The following CASP10 variants were observed in gnomAD, a reference collection of about 807,000 sequenced individuals.
CASP10 encodes the protein caspase-10.
A neutral mutation model predicts 48.5 loss-of-function variants in CASP10; 41 were observed. The ratio of observed to expected loss-of-function variants is 0.85; its 90% CI spans 0.66 to 1.10. The LOEUF (loss-of-function observed/expected upper bound fraction) is 1.10, where lower values mean the gene tolerates loss of function less well. Among genes scored for constraint, CASP10 ranks in the 50% least tolerant of loss-of-function variants. The pLI is 0.00. For synonymous variants in CASP10, 232 were observed against 238.4 expected, an observed-to-expected ratio of 0.97 and a Z score of 0.25; for missense variants, 614 against 614.5, an observed-to-expected ratio of 1.00 and a Z score of 0.01.
intron 7 of CASP10, 114 bp from the exon 8 acceptor site, chr2:201,207,961 A>C: frequency 1.3e-6 from 1 of 754,832 alleles, no homozygotes; most frequent in Admixed American, 2.0e-5. Flanking sequence ...AACAACTGGC[A>C]TGGGGAGATA....
At chr2:201,211,949 T>G (rs1036690266) in intron 9 of CASP10, among the ~76,000 whole-genome samples, 2 of 152,098 alleles carry the variant, frequency 1.3e-5, no homozygotes, top group African/African-American at 4.8e-5. Flanking sequence ...GTGGGTTTTT[T>G]ATTTTTATTT....
intron 5 of CASP10, among the ~76,000 whole-genome samples, chr2:201,200,013 G>T (rs41352644): frequency 0.033 from 5,042 of 152,086 alleles, 137 homozygotes; most frequent in Non-Finnish European, 0.054. Flanking sequence ...GGTACATGTG[G>T]TATTTCCTCA....
At chr2:201,216,914 G>T (rs1945588594) in intron 9 of CASP10, among the ~76,000 whole-genome samples, 1 of 152,162 alleles carries the variant, frequency 6.6e-6, no homozygotes, top group Admixed American at 6.5e-5. Context: ...TGCAAGCCCA[G>T]GCTCAAATGC....
intron 5 of CASP10, among the ~76,000 whole-genome samples, chr2:201,196,383 A>T (rs1334961617): frequency 1.3e-5 from 2 of 152,150 alleles, no homozygotes; most frequent in African/African-American, 4.8e-5. Flanking sequence ...TGAAATTCTT[A>T]ATGTATTGAA....
At chr2:201,195,244 A>G (rs1944750498) in intron 4 of CASP10, among the ~76,000 whole-genome samples, 1 of 151,978 alleles carries the variant, frequency 6.6e-6, no homozygotes. Context: ...GATGCCCGCC[A>G]CCATGCCCAG....
Position 201,187,753 on chromosome 2 carries a change from AG to A in CASP10, c.397del (p.Asp133ThrfsTer2). On this transcript the variant is annotated frameshift_variant, in exon 3 of 10. Transcript: ENST00000286186. LOFTEE classifies it high-confidence loss of function. ...LSEGIDSENL[K>X]DMIFLLKDSL... Reference sequence around the variant, plus strand: ...GAAGGCATTGACTCAGAGAACTTAAAGGACATGATCTTCCTTCTGAAAGACT... The same window carrying A: ...GAAGGCATTGACTCAGAGAACTTAAAGACATGATCTTCCTTCTGAAAGACT... 6 of 1,614,162 alleles carry A rather than the reference AG, an allele frequency of 3.7e-6. No homozygotes were observed. The highest frequency in any genetic ancestry group is 5.1e-6 in the Non-Finnish European group (6 of 1,180,000).
At chr2:201,184,886 C>G (rs1311008702) in intron 1 of CASP10, among the ~76,000 whole-genome samples, 2 of 152,214 alleles carry the variant, frequency 1.3e-5, no homozygotes, top group East Asian at 3.9e-4. Flanking sequence ...AGAATGGCTA[C>G]TCCATAGACA....
At chr2:201,193,466 TC>T in intron 4 of CASP10, 1 of 322,322 alleles carries the variant, frequency 3.1e-6, no homozygotes, top group African/African-American at 2.2e-5. Flanking sequence ...CCTCGGCCTT[TC>T]AAAATGCTGG....
chr2:201,220,749 A>G lies in CASP10; in HGVS notation c.*3008A>G, dbSNP rs1945701883. On this transcript the variant is annotated 3_prime_UTR_variant, in exon 10 of 10. Transcript: ENST00000286186. ...TTTCTTTAATTCTTACACATGTGTCAGGATGATCTCCCAAAACCGTGTTCA... is the reference window on the plus strand; with the variant it reads ...TTTCTTTAATTCTTACACATGTGTCGGGATGATCTCCCAAAACCGTGTTCA... 1.0e-6 allele frequency: 1 copy of G among 985,284 alleles called. No individual in the cohort carries two copies. 61.0% of individuals were successfully genotyped at this position (985,284 alleles called of 1,614,324 possible).
At chr2:201,196,846 C>T (rs560347633) in intron 5 of CASP10, among the ~76,000 whole-genome samples, 1 of 152,274 alleles carries the variant, frequency 6.6e-6, no homozygotes, top group South Asian at 2.1e-4. Context: ...TTTTCTCCTT[C>T]CCTCCAACCC....
rs41520046 is a variant in CASP10, at chr2:201,186,777, C to T, written c.347+653C>T. On this transcript the variant is annotated intron_variant, in intron 2 of 9. Transcript: ENST00000286186. ...TCTCAGCTCACTGCAACCTCCGCTT[C>T]CTGGGTTCGAGCGATTCTCCTGCCT... 1.8e-3 allele frequency among the ~76,000 whole-genome samples: 271 copies of T among 152,242 alleles called. 1 individual carries two copies. Among genetic ancestry groups the T allele is most frequent in the African/African-American group, 5.9e-3 (244 of 41,540 alleles).
At chr2:201,203,308 CTTT>C (rs34064194) in intron 5 of CASP10, among the ~76,000 whole-genome samples, 20 of 133,954 alleles carry the variant, frequency 1.5e-4, no homozygotes, top group Non-Finnish European at 1.1e-4. Context: ...AATGAACTTT[CTTT>C]TTTTTTTTTT....
At chr2:201,189,260 T>C (rs1049539978) in intron 3 of CASP10, among the ~76,000 whole-genome samples, 4 of 137,992 alleles carry the variant, frequency 2.9e-5, no homozygotes, top group African/African-American at 1.1e-4. Flanking sequence ...TTGATTCTTT[T>C]CTTTCAGTTA....
chr2:201,215,057 T>C (rs1274787662), intron 9 of CASP10: 2 of 152,138 alleles, frequency 1.3e-5, no homozygotes, highest in Admixed American at 6.5e-5. Flanking sequence ...TTTTGAGAAA[T>C]GTCTGTTAAA....
intron 5 of CASP10, among the ~76,000 whole-genome samples, chr2:201,200,008 A>T (rs1180015857): frequency 6.6e-6 from 1 of 152,138 alleles, no homozygotes; most frequent in Non-Finnish European, 1.5e-5. Context: ...TCTTTGGTAC[A>T]TGTGGTATTT....
intron 9 of CASP10, chr2:201,214,294 C>T (rs532281403): frequency 2.0e-5 from 3 of 152,130 alleles, no homozygotes; most frequent in Non-Finnish European, 4.4e-5. Flanking sequence ...AGTGTAGCTT[C>T]AAAGAGAATA....
chr2:201,224,831 G>C (rs912040876), downstream of CASP10, among the ~76,000 whole-genome samples: 4 of 152,024 alleles, frequency 2.6e-5, no homozygotes, highest in African/African-American at 4.8e-5. Flanking sequence ...TGATTACATA[G>C]TAATGTATGT....
intron 4 of CASP10, among the ~76,000 whole-genome samples, chr2:201,193,628 A>G (rs1944689887): frequency 6.6e-6 from 1 of 152,178 alleles, no homozygotes; most frequent in Non-Finnish European, 1.5e-5. Context: ...CTGTTTTAGA[A>G]GTTGAGGATA....
intron 5 of CASP10, among the ~76,000 whole-genome samples, chr2:201,199,572 T>TC (rs1009963636): frequency 6.6e-5 from 9 of 135,942 alleles, no homozygotes; most frequent in African/African-American, 2.4e-4. Flanking sequence ...CTTTAATCTT[T>TC]TTTTTTTTTT....
Sources: allele counts gnomAD v4.1 joint callset (sites outside exome capture counted in the v4.1 genomes callset), GRCh38; gene constraint gnomAD v4.1.1; transcripts MANE v1.5; gene names NCBI Gene and HGNC (gene_info 2026-07-23, HGNC 2026-07-21).